The following ADARB2 variants were observed in gnomAD, a reference collection of about 807,000 sequenced individuals.
ADARB2 encodes the protein inactive double-stranded RNA-specific editase B2.
A neutral mutation model predicts 62.2 loss-of-function variants in ADARB2; 25 were observed. That is an observed-to-expected ratio of 0.40 (90% confidence interval 0.29 to 0.56). The LOEUF is 0.56. Ranked by LOEUF, ADARB2 falls within the 20% of genes least tolerant of loss-of-function variation. The pLI is 0.43. For synonymous variants in ADARB2, 572 were observed against 500.8 expected, an observed-to-expected ratio of 1.14 and a Z score of -1.90; for missense variants, 1,071 against 1,077.4, an observed-to-expected ratio of 0.99 and a Z score of 0.08.
chr10:1,478,735 A>G (rs1050601506), intron 1 of ADARB2, among the ~76,000 whole-genome samples: 10 of 149,536 alleles, frequency 6.7e-5, no homozygotes, highest in South Asian at 2.2e-4. Context: ...CTCGGACGGG[A>G]GAGCGCCAAA....
intron 1 of ADARB2, among the ~76,000 whole-genome samples, chr10:1,576,503 G>A (rs1039522475): frequency 2.0e-4 from 31 of 152,182 alleles, no homozygotes; most frequent in African/African-American, 5.3e-4. Context: ...TGGTTCTGTG[G>A]TGCTGGCAGG....
At chr10:1,228,492 C>T (rs1430366657) in intron 6 of ADARB2, among the ~76,000 whole-genome samples, 1 of 152,244 alleles carries the variant, frequency 6.6e-6, no homozygotes, top group East Asian at 1.9e-4. Context: ...TCTGTGCTGA[C>T]AGCAGTCATT....
At chr10:1,430,747 A>T (rs1435979748) in intron 1 of ADARB2, among the ~76,000 whole-genome samples, 1 of 152,180 alleles carries the variant, frequency 6.6e-6, no homozygotes, top group Admixed American at 6.5e-5. Flanking sequence ...CTCAAAAAAA[A>T]AAAATCAGGA....
chr10:1,218,911 G>A (rs564940438), intron 6 of ADARB2, among the ~76,000 whole-genome samples: 4 of 151,802 alleles, frequency 2.6e-5, no homozygotes, highest in East Asian at 1.9e-4. Flanking sequence ...TTAGCCGGGC[G>A]TGGTGGCGGG....
At chr10:1,631,305 C>A (rs764723490) in intron 1 of ADARB2, among the ~76,000 whole-genome samples, 1 of 152,090 alleles carries the variant, frequency 6.6e-6, no homozygotes, top group Non-Finnish European at 1.5e-5. Context: ...TACCTGGCAC[C>A]GAGACAGGCT....
At chr10:1,540,618 G>A (rs371342594) in intron 1 of ADARB2, among the ~76,000 whole-genome samples, 505 of 35,926 alleles carry the variant, frequency 0.014, 2 homozygotes, top group African/African-American at 0.024. Context: ...GACGCAGTTC[G>A]GACCCTGGAT....
At chr10:1,310,395 C>T (rs375020893) in intron 3 of ADARB2, among the ~76,000 whole-genome samples, 12 of 143,608 alleles carry the variant, frequency 8.4e-5, no homozygotes, top group African/African-American at 2.3e-4. Context: ...AATAACATTC[C>T]TTCATTGACT....
chr10:1,685,356 A>G (rs771444455), intron 1 of ADARB2, among the ~76,000 whole-genome samples: 2 of 152,152 alleles, frequency 1.3e-5, no homozygotes, highest in Non-Finnish European at 2.9e-5. Context: ...AGCACCGAGC[A>G]ACACGAATGA....
intron 1 of ADARB2, among the ~76,000 whole-genome samples, chr10:1,518,230 G>A (rs1832030976): frequency 6.6e-6 from 1 of 152,196 alleles, no homozygotes; most frequent in African/African-American, 2.4e-5. Context: ...CTAAGTAGAA[G>A]CAGTGAAGTC....
In ADARB2 at chr10:1,650,790, G is replaced by A. The variant is rs576768920; in HGVS notation, c.100+86261C>T. On this transcript the variant is annotated intron_variant, in intron 1 of 9. Coordinates refer to ENST00000381312, the MANE Select transcript of ADARB2 (RefSeq NM_018702.4). The stretch of plus-strand genomic sequence containing the variant: ...CACTTGAGGAAGATGTGCGTGCCTG[G>A]AGCTTCTCAGCAGTGGGACATTTGC... Among the ~76,000 whole-genome samples, 64 of 152,296 alleles carry A rather than the reference G, an allele frequency of 4.2e-4. 1 individual carries two copies. Among genetic ancestry groups the A allele is most frequent in the Middle Eastern group, 6.8e-3 (2 of 294 alleles).
At chr10:1,502,542 A>G (rs145616766) in intron 1 of ADARB2, among the ~76,000 whole-genome samples, 137 of 152,346 alleles carry the variant, frequency 9.0e-4, no homozygotes, top group African/African-American at 3.2e-3. Flanking sequence ...AAGCAAATCT[A>G]CTAAATTTAC....
chr10:1,594,053 A>G (rs1041729676), intron 1 of ADARB2, among the ~76,000 whole-genome samples: 1 of 152,146 alleles, frequency 6.6e-6, no homozygotes, highest in Non-Finnish European at 1.5e-5. Flanking sequence ...GCACTTTGGG[A>G]GGCCGAGGCT....
chr10:1,685,208 G>A (rs530967437), intron 1 of ADARB2, among the ~76,000 whole-genome samples: 16 of 152,298 alleles, frequency 1.1e-4, no homozygotes, highest in South Asian at 4.1e-4. Context: ...TGGTGAGTGC[G>A]TGAGTGTGTG....
Position 1,200,076 on chromosome 10 carries a change from A to C in ADARB2, c.1754T>G (p.Val585Gly). ...FVEPVYLQSI[V>G]VGSLHHTGHL... Reference sequence around the variant, plus strand: ...GCCCGTGTGGTGCAGGCTGCCCACCACGATGCTCTGCAGGTACACGGGCTC... The same window carrying C: ...GCCCGTGTGGTGCAGGCTGCCCACCCCGATGCTCTGCAGGTACACGGGCTC... Residue 585 changes from valine (V) to glycine (G), a missense_variant, in exon 8 of 10, where the codon GTG (valine) becomes GGG (glycine). Transcript: ENST00000381312. 1 of 1,579,892 alleles carries C rather than the reference A, an allele frequency of 6.3e-7. No individual in the cohort carries two copies. The highest frequency in any genetic ancestry group is 8.6e-7 in the Non-Finnish European group (1 of 1,165,414).
intron 1 of ADARB2, among the ~76,000 whole-genome samples, chr10:1,730,110 G>A (rs1835213156): frequency 6.6e-6 from 1 of 152,178 alleles, no homozygotes. Context: ...CCCTAGAGAA[G>A]TGGGTTTACA....
chr10:1,513,182 C>A (rs1230775751), intron 1 of ADARB2, among the ~76,000 whole-genome samples: 3 of 152,162 alleles, frequency 2.0e-5, no homozygotes, highest in Admixed American at 6.5e-5. Context: ...GTGTTGTACA[C>A]CTTAGATATA....
chr10:1,481,342 T>C (rs1343705022), intron 1 of ADARB2, among the ~76,000 whole-genome samples: 1 of 152,164 alleles, frequency 6.6e-6, no homozygotes, highest in Non-Finnish European at 1.5e-5. Flanking sequence ...CCTAAAACTA[T>C]AGAACTCGTA....
intron 1 of ADARB2, among the ~76,000 whole-genome samples, chr10:1,709,067 C>T (rs538114461): frequency 9.2e-5 from 14 of 152,302 alleles, no homozygotes; most frequent in South Asian, 6.2e-4. Context: ...ATGCTGACCC[C>T]ATTGATCTAA....
chr10:1,401,880 G>A (rs1385054398), intron 1 of ADARB2, among the ~76,000 whole-genome samples: 5 of 152,152 alleles, frequency 3.3e-5, no homozygotes, highest in Admixed American at 6.5e-5. Flanking sequence ...GCATTTCCAC[G>A]AGCGTGTACT....
Sources: allele counts gnomAD v4.1 joint callset (sites outside exome capture counted in the v4.1 genomes callset), GRCh38; gene constraint gnomAD v4.1.1; transcripts MANE v1.5; gene names NCBI Gene and HGNC (gene_info 2026-07-23, HGNC 2026-07-21).